RYR1: variants seen among roughly 807,000 people sequenced by gnomAD.
RYR1 encodes central core disease of muscle.
In RYR1, 342 loss-of-function variants were observed where a neutral mutation model predicts 583.5. The observed-to-expected ratio is 0.59, with a 90% CI of 0.54 to 0.64. RYR1 has a LOEUF of 0.64. Ranked by LOEUF, RYR1 falls within the 30% of genes least tolerant of loss-of-function variation. The pLI, the probability that RYR1 is intolerant of heterozygous loss-of-function variation, is 0.00. For missense variants in RYR1, 6,032 were observed against 6,917.2 expected, an observed-to-expected ratio of 0.87 and a Z score of 4.54; for synonymous variants, 2,791 against 2,822.5, an observed-to-expected ratio of 0.99 and a Z score of 0.35.
At chr19:38,478,370 A>AGG in intron 30 of RYR1, 65 bp from the exon 31 acceptor site, 1 of 1,572,914 alleles carries the variant, frequency 6.4e-7, no homozygotes, top group South Asian at 1.1e-5. Flanking sequence ...AGCTTGGGGA[A>AGG]GGGGGTGTCC....
Position 38,500,487 on chromosome 19 carries a change from C to A in RYR1, c.7324-119C>A. ...AGGAACGAGGGCTGGAAACTCTAGA[C>A]AGCCTCCTGAGAAAGAGGCCTGCTC... On this transcript the variant is annotated intron_variant, in intron 45 of 105. Transcript: ENST00000359596. The surrounding 1 kb of genome is among the most constrained non-coding windows in gnomAD (Gnocchi z 5.9). 1.4e-6 allele frequency: 2 copies of A among 1,437,364 alleles called. No individual in the cohort carries two copies. The highest frequency in any genetic ancestry group is 1.9e-6 in the Non-Finnish European group (2 of 1,034,636). The allele number at this position is 1,437,364 out of a possible 1,614,324, so 89.0% of individuals were successfully genotyped here.
At chr19:38,464,340 G>A (rs1337500062) in intron 22 of RYR1, among the ~76,000 whole-genome samples, 1 of 148,658 alleles carries the variant, frequency 6.7e-6, no homozygotes, top group African/African-American at 2.5e-5. Flanking sequence ...AAGGGACAGA[G>A]GCAGAAAGAG....
At chr19:38,489,715 G>A (rs933119623) in intron 35 of RYR1, among the ~76,000 whole-genome samples, 3 of 152,062 alleles carry the variant, frequency 2.0e-5, no homozygotes, top group South Asian at 2.1e-4. Context: ...TGTAACCTCC[G>A]CCTCCCGGGT....
intron 60 of RYR1, among the ~76,000 whole-genome samples, chr19:38,511,307 C>T (rs1970715473): frequency 6.6e-6 from 1 of 151,674 alleles, no homozygotes; most frequent in African/African-American, 2.4e-5. Flanking sequence ...AAAAAATAAA[C>T]AAACAAAGAA....
Position 38,512,499 on chromosome 19 carries a change from C to G in RYR1, c.9472+16C>G, listed in dbSNP as rs1343059801. On this transcript the variant is annotated intron_variant, in intron 63 of 105. Coordinates refer to ENST00000359596, the MANE Select transcript of RYR1 (RefSeq NM_000540.3). The surrounding 1 kb of genome is among the most constrained non-coding windows in gnomAD (Gnocchi z 5.1). The stretch of plus-strand genomic sequence containing the variant: ...GACGTCATCCGTAAGGGCGCCTGAC[C>G]CAAGGGCAGGTTGCGGGGAGTCAGT... The G allele has an allele frequency of 1.2e-6, 2 of 1,606,454 alleles. No homozygotes were observed. Among genetic ancestry groups the G allele is most frequent in the Non-Finnish European group, 1.7e-6 (2 of 1,179,320 alleles).
chr19:38,456,859 ATG>A (rs1476142164), intron 16 of RYR1, among the ~76,000 whole-genome samples: 61 of 151,438 alleles, frequency 4.0e-4, no homozygotes, highest in Non-Finnish European at 6.5e-4. Flanking sequence ...ATCCTGGCTA[ATG>A]CGGTGAAACC....
chr19:38,536,822 C>T lies in RYR1; in HGVS notation c.11608+55C>T. ...GCTGCTGTCACCCACCCCTCCTAACCCCGTCCACCCCTCCACCTAGGGGCT... is the reference window on the plus strand; with the variant it reads ...GCTGCTGTCACCCACCCCTCCTAACTCCGTCCACCCCTCCACCTAGGGGCT... On this transcript the variant is annotated intron_variant, in intron 83 of 105. Transcript: ENST00000359596. The T allele has an allele frequency of 9.6e-6, 15 of 1,569,642 alleles. No individual in the cohort carries two copies. The South Asian group carries it at 1.7e-4, about 17-fold the overall frequency.
At chr19:38,523,535 TCTCTC>T (rs1455643117) in intron 69 of RYR1, 6 of 610,604 alleles carry the variant, frequency 9.8e-6, no homozygotes, top group East Asian at 2.8e-5. Flanking sequence ...ATCTCCCTCT[TCTCTC>T]ATCTCTGTCT....
chr19:38,455,967 GTTTTTTT>G (rs201725585), intron 16 of RYR1, among the ~76,000 whole-genome samples: 27 of 108,472 alleles, frequency 2.5e-4, no homozygotes, highest in South Asian at 1.2e-3. Flanking sequence ...TCTCTGAAAT[GTTTTTTT>G]TTTTTTTTTT....
chr19:38,458,413 C>T (rs1465473048), intron 18 of RYR1, 121 bp downstream of exon 18: 2 of 986,682 alleles, frequency 2.0e-6, no homozygotes, highest in African/African-American at 3.2e-5. Flanking sequence ...AACTTTTGAC[C>T]TTTTAGTCCT....
chr19:38,531,698 A>G (rs377412458), intron 76 of RYR1, among the ~76,000 whole-genome samples: 6 of 152,096 alleles, frequency 3.9e-5, no homozygotes, highest in African/African-American at 1.2e-4. Context: ...GGAGGCCAGG[A>G]GTTTGAGACC....
chr19:38,530,446 T>C (rs1443420135), intron 76 of RYR1, among the ~76,000 whole-genome samples: 1 of 147,364 alleles, frequency 6.8e-6, no homozygotes, highest in Non-Finnish European at 1.5e-5. Context: ...TTTTTTTTTT[T>C]CTGGTAGAGA....
chr19:38,448,255 G>C, intron 9 of RYR1, 100 bp from the exon 10 acceptor site: 2 of 1,350,934 alleles, frequency 1.5e-6, no homozygotes, highest in South Asian at 2.6e-5. Flanking sequence ...AACATAGCAA[G>C]ACCTGGTTTC....
chr19:38,536,530 T>C (rs1454297251), intron 82 of RYR1, among the ~76,000 whole-genome samples: 1 of 151,204 alleles, frequency 6.6e-6, no homozygotes, highest in African/African-American at 2.4e-5. Flanking sequence ...CTTCTTTCAT[T>C]CCCTCTGCTT....
chr19:38,464,661 C>A lies in RYR1; in HGVS notation c.2809C>A (p.His937Asn). 6.3e-7 allele frequency: 1 copy of A among 1,591,812 alleles called. No homozygotes were observed. The highest frequency in any genetic ancestry group is 1.1e-5 in the South Asian group (1 of 87,204). Residue 937 changes from histidine (H) to asparagine (N), a missense_variant, in exon 23 of 106, where the codon CAC becomes AAC. Around this residue, in one of 11 missense-constraint regions of RYR1, gnomAD observed 2,627 missense variants for 2,961.3 expected, o/e 0.89. Transcript: ENST00000359596. ...CAGGACTCTGCTGGCTCTGGGCTGC[C>A]ACGTGGGCATGGCGGATGAGAAGGC... is the stretch of plus-strand genomic sequence containing the variant. ...TLKTLLALGC[H>N]VGMADEKAED...
chr19:38,573,530 A>G lies in RYR1; in HGVS notation c.14129+223A>G, dbSNP rs760130802. 4.7e-4 allele frequency among the ~76,000 whole-genome samples: 71 copies of G among 152,056 alleles called. 1 individual carries two copies. The highest frequency in any genetic ancestry group is 5.9e-5 in the Non-Finnish European group (4 of 68,010). ...TCCCGTCTCTACTAAAAGTACAAAA[A>G]TTAGCTGGGCGTGGTGGCGGGCGCC... On this transcript the variant is annotated intron_variant, in intron 96 of 105. Coordinates refer to ENST00000359596, the MANE Select transcript of RYR1 (RefSeq NM_000540.3).
At position 38,583,592 on chromosome 19, in the gene RYR1, G is replaced by A. The variant is rs565418116; in HGVS notation, c.14647-1351G>A. On this transcript the variant is annotated intron_variant, in intron 101 of 105. Coordinates refer to ENST00000359596, the MANE Select transcript of RYR1 (RefSeq NM_000540.3). Reference sequence around the variant, plus strand: ...TCCCCAGCCCACTGTAGATAAAGTCGAATCACCCTGCCGTGGCTTACAAAG... The same window carrying A: ...TCCCCAGCCCACTGTAGATAAAGTCAAATCACCCTGCCGTGGCTTACAAAG... Among the ~76,000 whole-genome samples, 18 of 151,854 alleles carry A rather than the reference G, an allele frequency of 1.2e-4. No homozygotes were observed. The South Asian group carries it at 2.1e-3, about 18-fold the overall frequency.
Position 38,448,490 on chromosome 19 carries a change from C to T in RYR1, c.936C>T (p.Ser312=), listed in dbSNP as rs1966904996. ...DASKAHTKAT[S]FCFRISKEKL... is the part of the protein sequence containing the mutation. ...GCAAGGCTCACACCAAGGCTACCTC[C>T]TTCTGCTTCCGCATCTCCAAGGTCA... Residue 312 remains serine (S), a synonymous_variant, in exon 10 of 106, where the codon TCC becomes TCT. Coordinates refer to ENST00000359596, the MANE Select transcript of RYR1 (RefSeq NM_000540.3). 1.2e-6 allele frequency: 2 copies of T among 1,613,966 alleles called. No individual in the cohort carries two copies. The highest frequency in any genetic ancestry group is 2.2e-5 in the East Asian group (1 of 44,888).
intron 47 of RYR1, 98 bp from the exon 48 acceptor site, chr19:38,502,409 T>C: frequency 1.7e-6 from 2 of 1,181,530 alleles, no homozygotes; most frequent in Non-Finnish European, 2.4e-6. Flanking sequence ...GGGGGAGTCA[T>C]CAGAAGCTTG....
Sources: allele counts gnomAD v4.1 joint callset (sites outside exome capture counted in the v4.1 genomes callset), GRCh38; gene constraint gnomAD v4.1.1; regional missense constraint gnomAD v4.1.1; non-coding constraint Gnocchi (gnomAD v3.1); transcripts MANE v1.5; gene names NCBI Gene and HGNC (gene_info 2026-07-23, HGNC 2026-07-21).